The following PPP1R12B variants were observed in gnomAD, a reference collection of about 807,000 sequenced individuals.
PPP1R12B encodes myosin phosphatase target subunit 2.
PPP1R12B carries 76 observed loss-of-function variants against 126.1 expected under a neutral mutation model. That is an observed-to-expected ratio of 0.60 (90% CI 0.50 to 0.73). PPP1R12B has a LOEUF of 0.73. PPP1R12B is among the 30% of genes least tolerant of loss of function. The pLI, the probability that PPP1R12B is intolerant of heterozygous loss-of-function variation, is 0.00. For synonymous variants in PPP1R12B, 356 were observed against 434.7 expected (o/e 0.82, Z 2.25); for missense variants, 1,052 against 1,205.1 (o/e 0.87, Z 1.88).
chr1:202,483,409 A>G (rs1398615059), intron 13 of PPP1R12B, among the ~76,000 whole-genome samples: 1 of 151,946 alleles, frequency 6.6e-6, no homozygotes, highest in East Asian at 1.9e-4. Context: ...AACCTATGGA[A>G]GAGCTTCTAA....
chr1:202,455,819 T>G (rs1457539763), intron 13 of PPP1R12B, among the ~76,000 whole-genome samples: 2 of 152,202 alleles, frequency 1.3e-5, no homozygotes, highest in Non-Finnish European at 2.9e-5. Context: ...AAGTTCTGAC[T>G]TTTAAACTCT....
intron 19 of PPP1R12B, among the ~76,000 whole-genome samples, chr1:202,560,640 G>A (rs375008362): frequency 1.3e-5 from 2 of 152,092 alleles, no homozygotes; most frequent in Non-Finnish European, 2.9e-5. Context: ...AGGTCTTTAT[G>A]ACCTGTATCT....
intron 4 of PPP1R12B, among the ~76,000 whole-genome samples, chr1:202,426,579 CATTTT>C (rs1376759314): frequency 6.6e-6 from 1 of 152,168 alleles, no homozygotes; most frequent in Admixed American, 6.5e-5. Flanking sequence ...ATTGAGTCTT[CATTTT>C]ATTTTATTTT....
intron 15 of PPP1R12B, among the ~76,000 whole-genome samples, chr1:202,494,227 T>A (rs1310927140): frequency 2.6e-5 from 4 of 152,212 alleles, no homozygotes; most frequent in Non-Finnish European, 5.9e-5. Context: ...ATTTATTGAG[T>A]ACCTATTACC....
intron 13 of PPP1R12B, among the ~76,000 whole-genome samples, chr1:202,480,260 TAGACC>T: frequency 6.6e-6 from 1 of 152,318 alleles, no homozygotes; most frequent in South Asian, 2.1e-4. Context: ...TTTGCAGTAG[TAGACC>T]AGCTAAAGAA....
intron 1 of PPP1R12B, among the ~76,000 whole-genome samples, chr1:202,414,374 CT>C (rs1426016315): frequency 1.3e-5 from 2 of 152,212 alleles, no homozygotes; most frequent in African/African-American, 4.8e-5. Flanking sequence ...TTGAATGAAT[CT>C]TTTACTTCAT....
At chr1:202,509,567 T>C (rs1481810207) in intron 18 of PPP1R12B, among the ~76,000 whole-genome samples, 2 of 152,178 alleles carry the variant, frequency 1.3e-5, no homozygotes, top group Admixed American at 6.5e-5. Context: ...AATTTAGCTT[T>C]TGTAGATTAT....
chr1:202,361,406 A>T, intron 1 of PPP1R12B, among the ~76,000 whole-genome samples: 1 of 152,212 alleles, frequency 6.6e-6, no homozygotes, highest in Middle Eastern at 3.2e-3. Context: ...TGCATCACAT[A>T]GAGCAGGAGA....
At chr1:202,488,712 A>G in intron 14 of PPP1R12B, 89 bp downstream of exon 14, 1 of 1,158,296 alleles carries the variant, frequency 8.6e-7, no homozygotes, top group Non-Finnish European at 1.2e-6. Flanking sequence ...TCCATGTTCA[A>G]CTGCTGATTT....
chr1:202,408,568 CAAATT>C (rs1372991746), intron 1 of PPP1R12B, among the ~76,000 whole-genome samples: 1 of 152,104 alleles, frequency 6.6e-6, no homozygotes, highest in Non-Finnish European at 1.5e-5. Flanking sequence ...GCTTCTGTAA[CAAATT>C]AACACAAACT....
intron 12 of PPP1R12B, among the ~76,000 whole-genome samples, chr1:202,447,559 T>C (rs1054854599): frequency 6.6e-6 from 1 of 152,244 alleles, no homozygotes; most frequent in Non-Finnish European, 1.5e-5. Flanking sequence ...AGCCCATATT[T>C]ATCCTACTCC....
At chr1:202,412,789 T>C (rs1464028825) in intron 1 of PPP1R12B, among the ~76,000 whole-genome samples, 1 of 152,194 alleles carries the variant, frequency 6.6e-6, no homozygotes, top group Non-Finnish European at 1.5e-5. Context: ...TCCATTTTTT[T>C]ACTTAAAAAC....
At chr1:202,460,851 T>G (rs1674220370) in intron 13 of PPP1R12B, among the ~76,000 whole-genome samples, 1 of 152,198 alleles carries the variant, frequency 6.6e-6, no homozygotes, top group South Asian at 2.1e-4. Context: ...CCCTAATCCT[T>G]AGGTAGCAAA....
At chr1:202,356,526 A>T (rs1332725290) in intron 1 of PPP1R12B, among the ~76,000 whole-genome samples, 1 of 152,214 alleles carries the variant, frequency 6.6e-6, no homozygotes, top group African/African-American at 2.4e-5. Context: ...GACTTTGGGG[A>T]TATGATTAAT....
At chr1:202,486,930 T>C (rs1381895320) in intron 13 of PPP1R12B, among the ~76,000 whole-genome samples, 1 of 152,202 alleles carries the variant, frequency 6.6e-6, no homozygotes, top group Non-Finnish European at 1.5e-5. Context: ...AATAGACATG[T>C]AGAGAACACT....
Position 202,488,606 on chromosome 1 carries a change from A to G in PPP1R12B, c.1924A>G (p.Thr642Ala). Residue 642 changes from threonine to alanine, a missense_variant, in exon 14 of 24, where the codon ACA (threonine) becomes GCA (alanine). By Grantham distance (58) the Thr-to-Ala change is moderately conservative (BLOSUM62 0). Coordinates refer to ENST00000608999, the MANE Select transcript of PPP1R12B (RefSeq NM_002481.4). ...RKARSRQARQ[T>A]RRSTQGVTLT... ...AGCACGCTCCAGACAAGCTCGGCAG[A>G]CACGAAGGTCTACTCAAGTGAGTGT... 1 of 1,610,978 alleles carries G rather than the reference A, an allele frequency of 6.2e-7. No individual in the cohort carries two copies. The highest frequency in any genetic ancestry group is 8.5e-7 in the Non-Finnish European group (1 of 1,178,040).
rs556544457 is a variant in PPP1R12B, at chr1:202,505,388, A to G, written c.2490+8566A>G. On this transcript the variant is annotated intron_variant, in intron 18 of 23. Coordinates refer to ENST00000608999, the MANE Select transcript of PPP1R12B (RefSeq NM_002481.4). The stretch of plus-strand genomic sequence containing the variant: ...TTTCCCACCTTCTTCCTTTGAGTAA[A>G]TAGCAGCCCTTTTTCTCCAATTTTT... Among the ~76,000 whole-genome samples the G allele has an allele frequency of 1.8e-3, 277 of 152,290 alleles. 2 individuals carry two copies. Among genetic ancestry groups the G allele is most frequent in the African/African-American group, 6.5e-3 (268 of 41,548 alleles).
chr1:202,366,434 G>C (rs1325794748), intron 1 of PPP1R12B, among the ~76,000 whole-genome samples: 2 of 145,236 alleles, frequency 1.4e-5, no homozygotes, highest in Non-Finnish European at 3.0e-5. Context: ...CAGGAGAATT[G>C]CTTGAACTGG....
chr1:202,567,938 G>T, intron 22 of PPP1R12B, 107 bp downstream of exon 22: 1 of 1,327,274 alleles, frequency 7.5e-7, no homozygotes, highest in East Asian at 2.4e-5. Flanking sequence ...AAGAAGGAGG[G>T]AGTTCTGCCA....
Sources: gnomAD v4.1 joint callset for allele counts (sites outside exome capture counted in the v4.1 genomes callset) on GRCh38, gnomAD v4.1.1 for gene constraint, MANE v1.5 for transcripts, NCBI Gene and HGNC (gene_info 2026-07-23, HGNC 2026-07-21) for gene names.